SKI: variants seen among roughly 807,000 people sequenced by gnomAD.
SKI encodes SKI proto-oncogene.
SKI carries 23 observed loss-of-function variants against 59.3 expected under a neutral mutation model. That is an observed-to-expected ratio of 0.39 (90% CI 0.28 to 0.55). SKI has a LOEUF of 0.55. Among genes scored for constraint, SKI ranks in the 20% least tolerant of loss-of-function variants. The pLI, the probability that SKI is intolerant of heterozygous loss-of-function variation, is 0.67. For synonymous variants in SKI, 673 were observed against 488.6 expected (o/e 1.38, Z -4.98); for missense variants, 1,017 against 1,038.9 (o/e 0.98, Z 0.29).
rs945480973 is a variant in SKI, at chr1:2,308,049, C to G, written c.*1284C>G. The stretch of plus-strand genomic sequence containing the variant: ...TTTATTCCAAATAATCTCGTTTACT[C>G]TCACCTGTTTATGCAAATTGTATAA... On this transcript the variant is annotated 3_prime_UTR_variant, in exon 7 of 7. Transcript: ENST00000378536. 1.3e-5 allele frequency: 2 copies of G among 152,520 alleles called. No homozygotes were observed. The highest frequency in any genetic ancestry group is 2.1e-4 in the South Asian group (1 of 4,828). The allele number at this position is 152,520 out of a possible 1,614,324, so 9.4% of individuals were successfully genotyped here.
intron 1 of SKI, among the ~76,000 whole-genome samples, chr1:2,298,662 C>T (rs1640348532): frequency 6.6e-6 from 1 of 152,226 alleles, no homozygotes; most frequent in African/African-American, 2.4e-5. Context: ...CCTGTCTGGC[C>T]TTGGGGTCTG....
At position 2,306,807 on chromosome 1, in the gene SKI, C is replaced by A; in HGVS notation, c.*42C>A. 3 of 1,391,950 alleles carry A rather than the reference C, an allele frequency of 2.2e-6. No individual in the cohort carries two copies. The highest frequency in any genetic ancestry group is 2.8e-5 in the South Asian group (2 of 70,184). 86.2% of individuals were successfully genotyped at this position (1,391,950 alleles called of 1,614,324 possible). A position where few individuals can be genotyped will look rare whatever the true frequency, so the allele number is the denominator to read the frequency against. On this transcript the variant is annotated 3_prime_UTR_variant, in exon 7 of 7. Transcript: ENST00000378536. The stretch of plus-strand genomic sequence containing the variant: ...CGCAGCGCCGCCGACAACGCGGGTG[C>A]AGGGGGGCGCGGCTGGGCGGTGCAG...
At chr1:2,246,322 C>T (rs1330044385) in intron 1 of SKI, among the ~76,000 whole-genome samples, 2 of 152,140 alleles carry the variant, frequency 1.3e-5, no homozygotes, top group Non-Finnish European at 2.9e-5. Flanking sequence ...ATTGGCCACT[C>T]CTATATCCTC....
At chr1:2,264,560 C>G (rs988375538) in intron 1 of SKI, among the ~76,000 whole-genome samples, 2 of 152,170 alleles carry the variant, frequency 1.3e-5, no homozygotes, top group South Asian at 2.1e-4. Context: ...TGAGCCACTG[C>G]GTCCGGCCTG....
chr1:2,274,537 C>G (rs953904290), intron 1 of SKI, among the ~76,000 whole-genome samples: 1 of 152,216 alleles, frequency 6.6e-6, no homozygotes. Context: ...GGTCAGTCCT[C>G]CCCAGGGGCC....
chr1:2,283,522 C>T (rs1047768773), intron 1 of SKI, among the ~76,000 whole-genome samples: 3 of 152,220 alleles, frequency 2.0e-5, no homozygotes, highest in Non-Finnish European at 2.9e-5. Context: ...AGCCATCGTG[C>T]TGTCGCTGTG....
At position 2,228,394 on chromosome 1, in the gene SKI, C is replaced by T. The variant is rs1638549325; in HGVS notation, c.-373C>T. ...GGCGCCGGCACCTGCCCGCGCGCCC[C>T]CCGCGAGCCCCGGGCCCGCGAGCGT... On this transcript the variant is annotated 5_prime_UTR_variant, in exon 1 of 7. Coordinates refer to ENST00000378536, the MANE Select transcript of SKI (RefSeq NM_003036.4). 7.0e-6 allele frequency among the ~76,000 whole-genome samples: 1 copy of T among 142,400 alleles called. No homozygotes were observed. Among genetic ancestry groups the T allele is most frequent in the African/African-American group, 2.5e-5 (1 of 39,744 alleles). 93.4% of individuals were successfully genotyped at this position (142,400 alleles called of 152,430 possible). A position where few individuals can be genotyped will look rare whatever the true frequency, so the allele number is the denominator to read the frequency against.
At chr1:2,296,901 T>C (rs547278787) in intron 1 of SKI, among the ~76,000 whole-genome samples, 2 of 152,256 alleles carry the variant, frequency 1.3e-5, no homozygotes, top group East Asian at 3.9e-4. Flanking sequence ...GGGAAATGGT[T>C]TAAGGAGGCC....
At chr1:2,285,116 G>A (rs1376659801) in intron 1 of SKI, among the ~76,000 whole-genome samples, 1 of 152,124 alleles carries the variant, frequency 6.6e-6, no homozygotes, top group Non-Finnish European at 1.5e-5. Flanking sequence ...GCGGCAGTTG[G>A]TGTGGCCGTG....
intron 5 of SKI, 118 bp from the exon 6 acceptor site, chr1:2,305,902 G>T (rs1640560354): frequency 4.8e-6 from 4 of 829,334 alleles, no homozygotes; most frequent in Non-Finnish European, 8.1e-6. Flanking sequence ...TGGGGGCGGG[G>T]CTCCAGGGCA....
intron 1 of SKI, among the ~76,000 whole-genome samples, chr1:2,289,395 G>A (rs887848856): frequency 8.5e-5 from 13 of 152,122 alleles, no homozygotes; most frequent in Non-Finnish European, 1.5e-4. Context: ...TGGTCACCAC[G>A]TGGCCACTTT....
rs1233566903 is a variant in SKI, at chr1:2,228,889, C to T, written c.123C>T (p.Arg41=). 1.4e-6 allele frequency: 2 copies of T among 1,426,488 alleles called. No individual in the cohort carries two copies. The highest frequency in any genetic ancestry group is 1.8e-6 in the Non-Finnish European group (2 of 1,085,972). 88.4% of individuals were successfully genotyped at this position (1,426,488 alleles called of 1,614,324 possible). A position where few individuals can be genotyped will look rare whatever the true frequency, so the allele number is the denominator to read the frequency against. ...SLGGPAAFSA[R]WAQEAYKKES... ...GCGGCCCGGCCGCTTTCTCGGCGCG[C>T]TGGGCGCAGGAGGCCTACAAGAAGG... Residue 41 remains arginine (R), a synonymous_variant, in exon 1 of 7, where the codon CGC becomes CGT. Coordinates refer to ENST00000378536, the MANE Select transcript of SKI (RefSeq NM_003036.4).
intron 1 of SKI, among the ~76,000 whole-genome samples, chr1:2,288,946 A>G (rs564907736): frequency 6.6e-6 from 1 of 152,320 alleles, no homozygotes; most frequent in East Asian, 1.9e-4. Flanking sequence ...GGTCCCCTCC[A>G]GGTGACGGGA....
At chr1:2,264,795 C>A (rs573524555) in intron 1 of SKI, among the ~76,000 whole-genome samples, 4 of 151,806 alleles carry the variant, frequency 2.6e-5, no homozygotes, top group South Asian at 2.1e-4. Context: ...GACGGACATG[C>A]CTCTTCTTTT....
At chr1:2,293,246 G>A (rs1477298956) in intron 1 of SKI, among the ~76,000 whole-genome samples, 1 of 152,186 alleles carries the variant, frequency 6.6e-6, no homozygotes, top group Non-Finnish European at 1.5e-5. Context: ...TGGCGATCGG[G>A]ACTCACCATG....
rs550656878 is a variant in SKI, at chr1:2,306,507, G to T, written c.1999-70G>T. On this transcript the variant is annotated intron_variant, in intron 6 of 6. Coordinates refer to ENST00000378536, the MANE Select transcript of SKI (RefSeq NM_003036.4). Reference sequence around the variant, plus strand: ...ACAGGGAGCGGCGCAGGAGCCTCGGGTGGGGGAAGCAGCGTCGGGCCGGGG... The same window carrying T: ...ACAGGGAGCGGCGCAGGAGCCTCGGTTGGGGGAAGCAGCGTCGGGCCGGGG... 6.9e-4 allele frequency: 1,017 copies of T among 1,465,562 alleles called. 8 individuals are homozygous for T. The African/African-American group carries it at 0.012, about 18-fold the overall frequency. The allele number at this position is 1,465,562 out of a possible 1,614,324, so 90.8% of individuals were successfully genotyped here.
At chr1:2,299,189 G>A (rs1180482602) in intron 1 of SKI, among the ~76,000 whole-genome samples, 1 of 152,256 alleles carries the variant, frequency 6.6e-6, no homozygotes, top group Non-Finnish European at 1.5e-5. Flanking sequence ...CAGCTTCAGT[G>A]TGGAGAAGGC....
intron 1 of SKI, among the ~76,000 whole-genome samples, chr1:2,287,716 G>A (rs1336157643): frequency 6.6e-6 from 1 of 152,174 alleles, no homozygotes; most frequent in African/African-American, 2.4e-5. Flanking sequence ...TGTGGGGCGT[G>A]GGGGTGGTCT....
intron 1 of SKI, among the ~76,000 whole-genome samples, chr1:2,301,286 A>G (rs1286561960): frequency 6.6e-6 from 1 of 152,002 alleles, no homozygotes; most frequent in East Asian, 1.9e-4. Flanking sequence ...CTTCCCCTCG[A>G]AAGCCGCCAC....
Sources: gnomAD v4.1 joint callset for allele counts (sites outside exome capture counted in the v4.1 genomes callset) on GRCh38, gnomAD v4.1.1 for gene constraint, MANE v1.5 for transcripts, NCBI Gene and HGNC (gene_info 2026-07-23, HGNC 2026-07-21) for gene names.